Variants in ATP6V0A1 observed in about 807,000 individuals in gnomAD.
ATP6V0A1 encodes ATPase H+ transporting V0 subunit a1.
A neutral mutation model predicts 105.4 loss-of-function variants in ATP6V0A1; 43 were observed. The ratio of observed to expected loss-of-function variants is 0.41; its 90% CI spans 0.32 to 0.53. The LOEUF (loss-of-function observed/expected upper bound fraction) is 0.53, where lower values mean the gene tolerates loss of function less well. ATP6V0A1 is among the 20% of genes least tolerant of loss of function. The pLI, the probability that ATP6V0A1 is intolerant of heterozygous loss-of-function variation, is 0.30. For missense variants in ATP6V0A1, 676 were observed against 1,051.1 expected (o/e 0.64, Z 4.93); for synonymous variants, 362 against 372.8 (o/e 0.97, Z 0.33).
At chr17:42,506,699 T>G (rs1039108136) in intron 17 of ATP6V0A1, among the ~76,000 whole-genome samples, 3 of 152,220 alleles carry the variant, frequency 2.0e-5, no homozygotes, top group East Asian at 3.9e-4. Flanking sequence ...TTCTGCCTGG[T>G]TTTTTTTCCC....
intron 14 of ATP6V0A1, among the ~76,000 whole-genome samples, chr17:42,498,147 G>GGCT (rs770839480): frequency 5.3e-5 from 8 of 152,164 alleles, no homozygotes; most frequent in Non-Finnish European, 8.8e-5. Flanking sequence ...CTACCTGGGA[G>GGCT]GCTGAGGCAA....
chr17:42,521,186 C>T lies in ATP6V0A1; in HGVS notation c.*66C>T. The T allele has an allele frequency of 7.3e-7, 1 of 1,375,606 alleles. No individual in the cohort carries two copies. Among genetic ancestry groups the T allele is most frequent in the East Asian group, 2.4e-5 (1 of 40,948 alleles). 85.2% of individuals were successfully genotyped at this position (1,375,606 alleles called of 1,614,324 possible). On this transcript the variant is annotated 3_prime_UTR_variant, in exon 22 of 22. Transcript: ENST00000343619. This position sits in a 1 kb window ranked among gnomAD's most constrained non-coding sequence, Gnocchi z 4.8. ...CTCCCTCCACAGTGATCAGCTGTGCCTCTCTGCCTGTTGGTTGTGATCTGT... is the reference window on the plus strand; with the variant it reads ...CTCCCTCCACAGTGATCAGCTGTGCTTCTCTGCCTGTTGGTTGTGATCTGT...
intron 4 of ATP6V0A1, among the ~76,000 whole-genome samples, chr17:42,468,840 CTACTATTT>C (rs1289915323): frequency 7.3e-6 from 1 of 136,826 alleles, no homozygotes; most frequent in African/African-American, 2.5e-5. Context: ...AGTAAGTTAT[CTACTATTT>C]TATTTTATTT....
intron 8 of ATP6V0A1, among the ~76,000 whole-genome samples, chr17:42,481,853 T>G (rs1425884295): frequency 6.6e-6 from 1 of 152,126 alleles, no homozygotes; most frequent in African/African-American, 2.4e-5. Flanking sequence ...GGACAGATCT[T>G]TTTTTTGAGA....
intron 2 of ATP6V0A1, among the ~76,000 whole-genome samples, chr17:42,466,162 T>G (rs2087031559): frequency 6.6e-6 from 1 of 152,194 alleles, no homozygotes; most frequent in Non-Finnish European, 1.5e-5. Flanking sequence ...CTGAGACTTT[T>G]GCCTAGGAAG....
At chr17:42,459,106 G>A (rs2086083449) in intron 1 of ATP6V0A1, 143 bp downstream of exon 1, 1 of 152,170 alleles carries the variant, frequency 6.6e-6, no homozygotes, top group South Asian at 2.1e-4. Flanking sequence ...CCCCCTCCTT[G>A]GGCACCCCTC....
rs2145970556 is a variant in ATP6V0A1, at chr17:42,490,629, T to G, written c.1166T>G (p.Ile389Arg). 6.3e-7 allele frequency: 1 copy of G among 1,582,700 alleles called. No individual in the cohort carries two copies. The highest frequency in any genetic ancestry group is 8.5e-7 in the Non-Finnish European group (1 of 1,171,228). The change falls in exon 11 of 22, where the codon ATA becomes AGA. Residue 389 changes from isoleucine (I) to arginine (R), a missense_variant. Physicochemically the swap from Ile to Arg is moderately conservative, Grantham distance 97. Coordinates refer to ENST00000343619, the MANE Select transcript of ATP6V0A1 (RefSeq NM_001130021.3). The stretch of plus-strand genomic sequence containing the variant: ...TATGGAATTGGAACTTACCGAGAGA[T>G]AAATCCAGGTAAAAAAAAGCTTGTT... ...DAYGIGTYRE[I>R]NPAPYTIITF...
intron 7 of ATP6V0A1, 82 bp from the exon 8 acceptor site, chr17:42,480,585 A>G (rs1447725559): frequency 7.3e-7 from 1 of 1,363,858 alleles, no homozygotes. Context: ...TTGTTCTTGC[A>G]TCACCAAAAA....
rs2090991388 is a variant in ATP6V0A1 at position 42,494,696 on chromosome 17, C to T, written c.1314+223C>T. The T allele has an allele frequency of 4.3e-5, 24 of 562,810 alleles. No individual in the cohort carries two copies. The East Asian group carries it at 6.9e-4, about 16-fold the overall frequency. The allele number at this position is 562,810 out of a possible 1,614,324, so 34.9% of individuals were successfully genotyped here. On this transcript the variant is annotated intron_variant, in intron 12 of 21. Coordinates refer to ENST00000343619, the MANE Select transcript of ATP6V0A1 (RefSeq NM_001130021.3). ...GCTGAGGCAGGAGAATCACTTGAGC[C>T]CAGGAATTCGAGACCAGCATAGGCA...
At position 42,486,372 on chromosome 17, in the gene ATP6V0A1, C is replaced by G. The variant is rs181304634; in HGVS notation, c.811-783C>G. 6.4e-4 allele frequency among the ~76,000 whole-genome samples: 97 copies of G among 151,948 alleles called. No individual in the cohort carries two copies. The Middle Eastern group carries it at 0.01, about 16-fold the overall frequency. ...GTTGTGGTGAGCTGAGACCACGCCA[C>G]TGCACTCCAGCCTGGGCCACAGAGC... On this transcript the variant is annotated intron_variant, in intron 9 of 21. Transcript: ENST00000343619.
chr17:42,469,283 A>T lies in ATP6V0A1; in HGVS notation c.295-807A>T, dbSNP rs899500083. 4.0e-5 allele frequency among the ~76,000 whole-genome samples: 6 copies of T among 150,032 alleles called. No individual in the cohort carries two copies. In the East Asian group the frequency reaches 1.2e-3, roughly 29 times the overall value. Reference sequence around the variant, plus strand: ...CAATAGAATGTGTAAACAAAGAAAGACTATTTTTTTGACTTCTACAATGAC... The same window carrying T: ...CAATAGAATGTGTAAACAAAGAAAGTCTATTTTTTTGACTTCTACAATGAC... On this transcript the variant is annotated intron_variant, in intron 4 of 21. Coordinates refer to ENST00000343619, the MANE Select transcript of ATP6V0A1 (RefSeq NM_001130021.3).
At chr17:42,488,358 G>A (rs573185457) in intron 10 of ATP6V0A1, among the ~76,000 whole-genome samples, 2 of 152,340 alleles carry the variant, frequency 1.3e-5, no homozygotes, top group South Asian at 2.1e-4. Context: ...ATTGTGAAAG[G>A]TTCTTAAATA....
At chr17:42,462,890 G>T (rs1250728220) in intron 2 of ATP6V0A1, among the ~76,000 whole-genome samples, 1 of 151,780 alleles carries the variant, frequency 6.6e-6, no homozygotes, top group Non-Finnish European at 1.5e-5. Flanking sequence ...TAGGATTACC[G>T]GTGTGAGCCA....
rs561895681 is a variant in ATP6V0A1 at position 42,476,488 on chromosome 17, A to G, written c.424-1172A>G. 1.8e-4 allele frequency among the ~76,000 whole-genome samples: 28 copies of G among 152,290 alleles called. No individual in the cohort carries two copies. In the Middle Eastern group the frequency reaches 0.01, roughly 55 times the overall value. On this transcript the variant is annotated intron_variant, in intron 5 of 21. Transcript: ENST00000343619. Reference sequence around the variant, plus strand: ...TTGTCTTATTGTGCTTTTGAAGAGGATGATTGTTCTGGTTTACTCCTAGTT... The same window carrying G: ...TTGTCTTATTGTGCTTTTGAAGAGGGTGATTGTTCTGGTTTACTCCTAGTT...
chr17:42,496,012 C>T (rs1013046730), intron 14 of ATP6V0A1: 9 of 214,148 alleles, frequency 4.2e-5, no homozygotes, highest in Admixed American at 4.2e-4. Context: ...GCAGAGGTTG[C>T]AGTGAGCAAG....
chr17:42,502,189 G>A (rs1169586879), intron 17 of ATP6V0A1, among the ~76,000 whole-genome samples: 1 of 152,174 alleles, frequency 6.6e-6, no homozygotes, highest in Non-Finnish European at 1.5e-5. Context: ...TACCTTTCCT[G>A]GTCATGCTTT....
chr17:42,490,707 G>C, intron 11 of ATP6V0A1, 70 bp downstream of exon 11: 1 of 1,493,860 alleles, frequency 6.7e-7, no homozygotes, highest in African/African-American at 1.4e-5. Context: ...GGTTTGTTTT[G>C]AGACAGAGTC....
At chr17:42,501,388 G>T in intron 17 of ATP6V0A1, 84 bp downstream of exon 17, 1 of 1,001,782 alleles carries the variant, frequency 1.0e-6, no homozygotes, top group Non-Finnish European at 1.5e-6. Context: ...ATAATTAATT[G>T]TGCACAAATC....
At chr17:42,494,809 C>G in intron 12 of ATP6V0A1, 1 of 501,178 alleles carries the variant, frequency 2.0e-6, no homozygotes, top group East Asian at 3.2e-5. Context: ...AAAGAAATGG[C>G]CAAAACCGCA....
Sources: allele counts gnomAD v4.1 joint callset (sites outside exome capture counted in the v4.1 genomes callset), GRCh38; gene constraint gnomAD v4.1.1; non-coding constraint Gnocchi (gnomAD v3.1); transcripts MANE v1.5; gene names NCBI Gene and HGNC (gene_info 2026-07-23, HGNC 2026-07-21).